SNX4: variants seen among roughly 807,000 people sequenced by gnomAD.
The protein encoded by SNX4 is sorting nexin-4.
Under a neutral mutation model 70.8 loss-of-function variants are expected in SNX4, and 49 were observed. That is an observed-to-expected ratio of 0.69 (90% CI 0.55 to 0.88). SNX4 has a LOEUF of 0.88. Ranked by LOEUF, SNX4 falls within the 40% of genes least tolerant of loss-of-function variation. The pLI is 0.00. For synonymous variants in SNX4, 206 were observed against 183.8 expected (o/e 1.12, Z -0.98); for missense variants, 528 against 544.8 (o/e 0.97, Z 0.31).
At chr3:125,458,670 C>T (rs970408458) in intron 10 of SNX4, among the ~76,000 whole-genome samples, 4 of 151,352 alleles carry the variant, frequency 2.6e-5, no homozygotes, top group East Asian at 3.9e-4. Flanking sequence ...CAAAAAAAGC[C>T]GGGAGAGGTG....
intron 1 of SNX4, among the ~76,000 whole-genome samples, chr3:125,518,030 A>G (rs1254087780): frequency 1.3e-5 from 2 of 152,200 alleles, no homozygotes; most frequent in Non-Finnish European, 2.9e-5. Flanking sequence ...CTTATACTGC[A>G]TGATAGCATC....
Position 125,508,238 on chromosome 3 carries a change from T to C in SNX4, c.142-3494A>G, listed in dbSNP as rs189269132. On this transcript the variant is annotated intron_variant, in intron 1 of 13. Coordinates refer to ENST00000251775, the MANE Select transcript of SNX4 (RefSeq NM_003794.4). The stretch of plus-strand genomic sequence containing the variant: ...AACTCATCCTAAGAGTCATATGGAA[T>C]CTCAAGGGACCCCAAATAGCCAAAG... Among the ~76,000 whole-genome samples, 441 of 152,248 alleles carry C rather than the reference T, an allele frequency of 2.9e-3. 4 individuals carry two copies. The highest frequency in any genetic ancestry group is 6.5e-3 in the African/African-American group (272 of 41,534).
intron 10 of SNX4, among the ~76,000 whole-genome samples, chr3:125,460,198 CAAAAAAAAAAAA>C (rs57601494): frequency 1.5e-5 from 1 of 64,694 alleles, no homozygotes; most frequent in African/African-American, 4.8e-5. Context: ...TAGTCTGTCT[CAAAAAAAAAAAA>C]AAAAAAAAGT....
At chr3:125,454,694 T>C (rs1933664356) in intron 11 of SNX4, among the ~76,000 whole-genome samples, 1 of 152,184 alleles carries the variant, frequency 6.6e-6, no homozygotes, top group African/African-American at 2.4e-5. Context: ...AACTATATAC[T>C]TAAAAATGGA....
chr3:125,502,072 T>C (rs1357451768), intron 2 of SNX4, among the ~76,000 whole-genome samples: 1 of 152,216 alleles, frequency 6.6e-6, no homozygotes, highest in African/African-American at 2.4e-5. Context: ...AACAGGCATA[T>C]ACTAAATATA....
intron 8 of SNX4, among the ~76,000 whole-genome samples, chr3:125,472,948 C>T (rs1484773260): frequency 6.6e-6 from 1 of 151,986 alleles, no homozygotes; most frequent in Non-Finnish European, 1.5e-5. Flanking sequence ...CAGCCCCAGC[C>T]TCTTCTCAAA....
At chr3:125,455,095 AT>A (rs1335804931) in intron 11 of SNX4, among the ~76,000 whole-genome samples, 2 of 151,996 alleles carry the variant, frequency 1.3e-5, no homozygotes, top group Non-Finnish European at 2.9e-5. Flanking sequence ...CACCCAGCTA[AT>A]TTTTAAATTT....
chr3:125,487,866 T>C (rs1048346135), intron 6 of SNX4, among the ~76,000 whole-genome samples: 2 of 152,044 alleles, frequency 1.3e-5, no homozygotes, highest in African/African-American at 4.8e-5. Flanking sequence ...ACAGTAATAC[T>C]ATTCTGTATA....
intron 6 of SNX4, among the ~76,000 whole-genome samples, chr3:125,488,172 TA>T (rs35693375): frequency 0.088 from 8,256 of 93,492 alleles, 478 homozygotes; most frequent in African/African-American, 0.19. Flanking sequence ...AATAGTCTAT[TA>T]AAAAAAAAAA....
At chr3:125,452,577 G>A (rs780408853) in intron 12 of SNX4, among the ~76,000 whole-genome samples, 8 of 151,936 alleles carry the variant, frequency 5.3e-5, no homozygotes, top group Non-Finnish European at 1.0e-4. Context: ...GTGAGACTCC[G>A]TCTCAAAAAA....
chr3:125,480,183 G>C, intron 7 of SNX4, 64 bp downstream of exon 7: 1 of 1,014,472 alleles, frequency 9.9e-7, no homozygotes, highest in East Asian at 2.7e-5. Context: ...CTTGAAAACA[G>C]AATGATTACA....
intron 8 of SNX4, among the ~76,000 whole-genome samples, chr3:125,471,788 G>A (rs1317798861): frequency 6.6e-6 from 1 of 152,128 alleles, no homozygotes. Flanking sequence ...TTCTGCACAG[G>A]TGGATCTGAA....
intron 1 of SNX4, among the ~76,000 whole-genome samples, chr3:125,506,338 T>C (rs1935042053): frequency 6.6e-6 from 1 of 150,764 alleles, no homozygotes; most frequent in South Asian, 2.1e-4. Context: ...ATCCCTTTTT[T>C]CATTTCTTTT....
At chr3:125,505,126 T>C (rs1281231220) in intron 1 of SNX4, among the ~76,000 whole-genome samples, 6 of 152,214 alleles carry the variant, frequency 3.9e-5, no homozygotes, top group Middle Eastern at 3.4e-3. Context: ...CGCACCAACA[T>C]GCTCAACTGA....
intron 7 of SNX4, among the ~76,000 whole-genome samples, 193 bp from the exon 8 acceptor site, chr3:125,476,949 C>T (rs930639041): frequency 6.6e-6 from 1 of 152,164 alleles, no homozygotes; most frequent in Non-Finnish European, 1.5e-5. Flanking sequence ...ATATCTTATA[C>T]TTTTGTACTT....
chr3:125,482,797 A>G (rs983162069), intron 6 of SNX4, among the ~76,000 whole-genome samples: 4 of 152,090 alleles, frequency 2.6e-5, no homozygotes, highest in Non-Finnish European at 5.9e-5. Context: ...TAAAATACTT[A>G]ACCACTCTTA....
intron 13 of SNX4, among the ~76,000 whole-genome samples, chr3:125,448,136 CTTT>C (rs112025725): frequency 1.4e-5 from 2 of 143,042 alleles, no homozygotes; most frequent in East Asian, 2.0e-4. Flanking sequence ...AGTTTTCAGT[CTTT>C]TTTTTTTTTT....
chr3:125,463,487 C>G (rs182123954), intron 9 of SNX4, among the ~76,000 whole-genome samples: 1 of 152,170 alleles, frequency 6.6e-6, no homozygotes. Context: ...TTTCATAAAT[C>G]AACTGAAGGG....
chr3:125,456,515 C>T (rs895866158), intron 11 of SNX4, among the ~76,000 whole-genome samples: 4 of 151,998 alleles, frequency 2.6e-5, no homozygotes, highest in African/African-American at 9.7e-5. Flanking sequence ...GGCATGGGGG[C>T]ACATGCCTGT....
Sources: allele counts gnomAD v4.1 joint callset (sites outside exome capture counted in the v4.1 genomes callset), GRCh38; gene constraint gnomAD v4.1.1; transcripts MANE v1.5; gene names NCBI Gene and HGNC (gene_info 2026-07-23, HGNC 2026-07-21).